BAALC: variants seen among roughly 807,000 people sequenced by gnomAD.
BAALC encodes brain and acute leukemia cytoplasmic protein.
BAALC carries 9 observed loss-of-function variants against 15.5 expected under a neutral mutation model. That is an observed-to-expected ratio of 0.58 (90% CI 0.35 to 1.02). The LOEUF (loss-of-function observed/expected upper bound fraction) is 1.02. BAALC is among the 50% of genes least tolerant of loss of function. BAALC has a pLI of 0.02. For synonymous variants in BAALC, 80 were observed against 74.6 expected (o/e 1.07, Z -0.37); for missense variants, 201 against 192.4 (o/e 1.04, Z -0.27).
chr8:103,161,041 T>C (rs998333014), intron 1 of BAALC, among the ~76,000 whole-genome samples: 5 of 152,222 alleles, frequency 3.3e-5, no homozygotes, highest in Admixed American at 2.0e-4. Context: ...GGTTAAGCCA[T>C]CAACTTGCTA....
chr8:103,219,881 A>T (rs1812639740), intron 2 of BAALC, among the ~76,000 whole-genome samples: 1 of 152,238 alleles, frequency 6.6e-6, no homozygotes, highest in Non-Finnish European at 1.5e-5. Context: ...TCTCGTCTTT[A>T]ATCTTTTGGG....
intron 1 of BAALC, among the ~76,000 whole-genome samples, chr8:103,151,802 C>T (rs1321550737): frequency 6.6e-6 from 1 of 151,800 alleles, no homozygotes; most frequent in African/African-American, 2.4e-5. Flanking sequence ...CCCATTTTTC[C>T]TTCCAGTGAC....
chr8:103,197,093 G>A (rs79452741), intron 1 of BAALC, among the ~76,000 whole-genome samples: 7,592 of 152,224 alleles, frequency 0.05, 214 homozygotes, highest in South Asian at 0.11. Flanking sequence ...TACCTTTAAA[G>A]CAACAAACAA....
chr8:103,145,815 C>A (rs1283440081), intron 1 of BAALC, among the ~76,000 whole-genome samples: 1 of 152,200 alleles, frequency 6.6e-6, no homozygotes, highest in Non-Finnish European at 1.5e-5. Context: ...GAATGAATTT[C>A]TTTCCTTATG....
intron 1 of BAALC, among the ~76,000 whole-genome samples, chr8:103,159,536 T>C (rs1052924522): frequency 6.6e-6 from 1 of 152,178 alleles, no homozygotes; most frequent in Non-Finnish European, 1.5e-5. Flanking sequence ...CCAAGGAGTG[T>C]TTCTTAAAGC....
intron 2 of BAALC, among the ~76,000 whole-genome samples, chr8:103,225,303 A>G (rs565924272): frequency 2.0e-5 from 3 of 152,344 alleles, no homozygotes; most frequent in Non-Finnish European, 4.4e-5. Flanking sequence ...CACAGAGGAA[A>G]GCAATGACAT....
chr8:103,143,170 T>C (rs1810819159), intron 1 of BAALC, among the ~76,000 whole-genome samples: 1 of 152,122 alleles, frequency 6.6e-6, no homozygotes, highest in South Asian at 2.1e-4. Flanking sequence ...GACTGGGAGC[T>C]GGTCATCTTT....
intron 2 of BAALC, among the ~76,000 whole-genome samples, chr8:103,226,079 G>T (rs574456102): frequency 1.3e-5 from 2 of 152,184 alleles, no homozygotes; most frequent in Non-Finnish European, 2.9e-5. Flanking sequence ...GCACAAGGAG[G>T]TGCTCATGCC....
chr8:103,168,925 C>CG (rs983527646), intron 1 of BAALC, among the ~76,000 whole-genome samples: 3 of 151,984 alleles, frequency 2.0e-5, no homozygotes, highest in Admixed American at 6.6e-5. Flanking sequence ...GATAGTTTGG[C>CG]GGGGTATAAA....
intron 1 of BAALC, among the ~76,000 whole-genome samples, chr8:103,168,412 T>A (rs1004102553): frequency 6.6e-6 from 1 of 152,214 alleles, no homozygotes; most frequent in Non-Finnish European, 1.5e-5. Context: ...GTGTTCTTTG[T>A]TGGTGTTTTG....
chr8:103,182,320 A>G (rs1811746486), intron 1 of BAALC, among the ~76,000 whole-genome samples: 1 of 152,180 alleles, frequency 6.6e-6, no homozygotes, highest in Non-Finnish European at 1.5e-5. Context: ...AACTCTGCAA[A>G]GTGCTTGATT....
chr8:103,199,703 T>TA, intron 1 of BAALC, among the ~76,000 whole-genome samples: 1 of 152,326 alleles, frequency 6.6e-6, no homozygotes, highest in Middle Eastern at 3.4e-3. Context: ...TTAAGTTTGT[T>TA]ACACAGGTAA....
intron 1 of BAALC, among the ~76,000 whole-genome samples, chr8:103,172,844 A>C (rs1023456358): frequency 6.6e-6 from 1 of 152,352 alleles, no homozygotes; most frequent in Middle Eastern, 3.4e-3. Flanking sequence ...ATTATGATTT[A>C]CTTAAAAATG....
At chr8:103,199,164 T>C (rs1430136852) in intron 1 of BAALC, among the ~76,000 whole-genome samples, 5 of 152,224 alleles carry the variant, frequency 3.3e-5, no homozygotes, top group African/African-American at 9.6e-5. Flanking sequence ...AAGCAGATAT[T>C]GAAGACTGAA....
intron 1 of BAALC, among the ~76,000 whole-genome samples, chr8:103,168,327 T>C (rs1044132481): frequency 6.6e-6 from 1 of 152,200 alleles, no homozygotes; most frequent in Admixed American, 6.5e-5. Flanking sequence ...ATTACCCTCA[T>C]GAAAGGTGAG....
intron 1 of BAALC, among the ~76,000 whole-genome samples, chr8:103,175,293 G>T (rs1384312767): frequency 6.6e-6 from 1 of 152,128 alleles, no homozygotes; most frequent in African/African-American, 2.4e-5. Context: ...ACAACAAAAG[G>T]CAATATTGTG....
chr8:103,188,450 G>A (rs1226008816), intron 1 of BAALC, among the ~76,000 whole-genome samples: 2 of 152,228 alleles, frequency 1.3e-5, no homozygotes, highest in African/African-American at 4.8e-5. Flanking sequence ...TTGAGGGACA[G>A]GCGGCTGCAC....
intron 2 of BAALC, among the ~76,000 whole-genome samples, chr8:103,221,896 A>G (rs1812685238): frequency 1.3e-5 from 2 of 152,184 alleles, no homozygotes; most frequent in African/African-American, 4.8e-5. Flanking sequence ...TCCTGAGAGT[A>G]TGTGCCCAAG....
intron 1 of BAALC, among the ~76,000 whole-genome samples, chr8:103,168,899 C>G (rs1811411834): frequency 6.6e-6 from 1 of 151,946 alleles, no homozygotes; most frequent in Non-Finnish European, 1.5e-5. Flanking sequence ...ATTTTTTATG[C>G]CTTCTACATT....
Sources: gnomAD v4.1 joint callset for allele counts (sites outside exome capture counted in the v4.1 genomes callset) on GRCh38, gnomAD v4.1.1 for gene constraint, MANE v1.5 for transcripts, NCBI Gene and HGNC (gene_info 2026-07-23, HGNC 2026-07-21) for gene names.